The following SELE variants were observed in gnomAD, a reference collection of about 807,000 sequenced individuals.
SELE encodes selectin E.
In SELE, 52 loss-of-function variants were observed where a neutral mutation model predicts 75.8. That is an observed-to-expected ratio of 0.69 (90% CI 0.55 to 0.86). SELE has a LOEUF of 0.86. SELE is among the 40% of genes least tolerant of loss of function. SELE has a pLI of 0.00. For synonymous variants in SELE, 285 were observed against 258.7 expected (o/e 1.10, Z -0.98); for missense variants, 754 against 732.7 (o/e 1.03, Z -0.34).
At chr1:169,724,653 G>A (rs1648701728) in intron 13 of SELE, 144 bp from the exon 14 acceptor site, 1 of 152,208 alleles carries the variant, frequency 6.6e-6, no homozygotes, top group African/African-American at 2.4e-5. Context: ...GGACAGTGAT[G>A]ATGTCTACAT....
chr1:169,728,117 G>C lies in SELE; in HGVS notation c.1220C>G (p.Ser407Cys), dbSNP rs766089621. The C allele has an allele frequency of 2.5e-6, 4 of 1,614,018 alleles. No individual in the cohort carries two copies. Among genetic ancestry groups the C allele is most frequent in the Non-Finnish European group, 3.4e-6 (4 of 1,180,026 alleles). ...SCEQGFVLKG[S>C]KRLQCGPTGE... ...TGTGGGGCCACATTGGAGCCTTTTG[G>C]ATCCCTTCAACACAAAACCCTGCTC... The change falls in exon 8 of 14, where the codon TCC becomes TGC. Residue 407 changes from serine (S) to cysteine (C), a missense_variant. Ser to Cys is a moderately radical substitution (Grantham distance 112). Coordinates refer to ENST00000333360, the MANE Select transcript of SELE (RefSeq NM_000450.2).
Position 169,731,921 on chromosome 1 carries a change from C to T in SELE, c.443G>A (p.Cys148Tyr). Residue 148 changes from cysteine (C) to tyrosine (Y), a missense_variant, in exon 4 of 14, where the codon TGC (cysteine) becomes TAC (tyrosine). Transcript: ENST00000333360. ...CYTAACTNTS[C>Y]SGHGECVETI... ...CTCTACACATTCACCGTGGCCACTG[C>T]AGGATGTATTGGTACAGGCAGCTAC... The T allele has an allele frequency of 6.2e-7, 1 of 1,613,222 alleles. No homozygotes were observed. Among genetic ancestry groups the T allele is most frequent in the South Asian group, 1.1e-5 (1 of 91,066 alleles).
intron 5 of SELE, 66 bp downstream of exon 5, chr1:169,730,366 A>G: frequency 2.2e-6 from 3 of 1,338,538 alleles, no homozygotes; most frequent in Non-Finnish European, 3.0e-6. Flanking sequence ...ATGTAAGTTG[A>G]ATCAAAAAAC....
rs1237980949 is a variant in SELE at position 169,725,755 on chromosome 1, A to G, written c.1822T>C (p.Tyr608His). The change falls in exon 13 of 14, where the codon TAC (tyrosine) becomes CAC (histidine). Residue 608 changes from tyrosine (Y) to histidine (H), a missense_variant. By Grantham distance (83) the Tyr-to-His change is moderately conservative. Transcript: ENST00000333360. The part of the protein sequence containing the change: ...ESDGSYQKPS[Y>H]IL ...TGATTCTTTTGAACTTAAAGGATGTAAGAAGGCTTTTGGTAGCTTCCATCT... is the reference window on the plus strand; with the variant it reads ...TGATTCTTTTGAACTTAAAGGATGTGAGAAGGCTTTTGGTAGCTTCCATCT... 1 of 1,614,052 alleles carries G rather than the reference A, an allele frequency of 6.2e-7. No homozygotes were observed. The highest frequency in any genetic ancestry group is 8.5e-7 in the Non-Finnish European group (1 of 1,179,928).
chr1:169,728,986 C>T (rs1648841508), intron 7 of SELE, among the ~76,000 whole-genome samples, 200 bp downstream of exon 7: 1 of 151,986 alleles, frequency 6.6e-6, no homozygotes, highest in Non-Finnish European at 1.5e-5. Context: ...TAAAAAAAAA[C>T]AGCAAAGAAT....
chr1:169,733,453 G>C lies in SELE; in HGVS notation c.37+123C>G, dbSNP rs562837827. 4.3e-4 allele frequency: 398 copies of C among 935,786 alleles called. 3 individuals carry two copies. The highest frequency in any genetic ancestry group is 5.2e-4 in the Non-Finnish European group (300 of 578,576). The allele number at this position is 935,786 out of a possible 1,614,324, so 58.0% of individuals were successfully genotyped here. A position where few individuals can be genotyped will look rare whatever the true frequency, so the allele number is the denominator to read the frequency against. ...CAAGCCCAGGGAAGAACACATTGCA[G>C]GTAGAGGTCAAGGATGCTGCCAGAT... On this transcript the variant is annotated intron_variant, in intron 2 of 13. Coordinates refer to ENST00000333360, the MANE Select transcript of SELE (RefSeq NM_000450.2).
Position 169,726,798 on chromosome 1 carries a change from CA to C in SELE, c.1653del (p.Glu552SerfsTer7), listed in dbSNP as rs1275259477. 6.2e-7 allele frequency: 1 copy of C among 1,610,862 alleles called. No individual in the cohort carries two copies. The highest frequency in any genetic ancestry group is 1.3e-5 in the African/African-American group (1 of 74,846). On this transcript the variant is annotated frameshift_variant, in exon 11 of 14. Coordinates refer to ENST00000333360, the MANE Select transcript of SELE (RefSeq NM_000450.2). LOFTEE classifies it high-confidence loss of function. ...SGLLPTCEAPTESNIPLVAGL... is the reference protein window; with the variant it reads ...SGLLPTCEAPXESNIPLVAGL... ...CCAGCTACCAAGGGAATGTTGGACT[CA>C]GTGGGAGCTAAGGAAGTAAGAGACG...
chr1:169,731,131 G>A (rs528287444), intron 4 of SELE, among the ~76,000 whole-genome samples: 7 of 152,030 alleles, frequency 4.6e-5, no homozygotes, highest in African/African-American at 7.2e-5. Flanking sequence ...ACTTGAATTC[G>A]TTGAAATCAA....
rs757726316 is a variant in SELE at position 169,724,343 on chromosome 1, G to C, written c.*182C>G. ...GAACACTGAGTCTTTTCAGTTGAAGGCCGTCCTTGCCTGCTGGACTTTGAT... is the reference window on the plus strand; with the variant it reads ...GAACACTGAGTCTTTTCAGTTGAAGCCCGTCCTTGCCTGCTGGACTTTGAT... On this transcript the variant is annotated 3_prime_UTR_variant, in exon 14 of 14. Coordinates refer to ENST00000333360, the MANE Select transcript of SELE (RefSeq NM_000450.2). The C allele has an allele frequency of 6.6e-6, 1 of 152,146 alleles. No individual in the cohort carries two copies. The highest frequency in any genetic ancestry group is 2.4e-5 in the African/African-American group (1 of 41,420). 9.4% of individuals were successfully genotyped at this position (152,146 alleles called of 1,614,324 possible). A position where few individuals can be genotyped will look rare whatever the true frequency, so the allele number is the denominator to read the frequency against.
rs564573265 is a variant in SELE at position 169,730,331 on chromosome 1, A to G, written c.715+101T>C. On this transcript the variant is annotated intron_variant, in intron 5 of 13. Transcript: ENST00000333360. ...ATTGTATTAAAAACAAAAACAAAAA[A>G]AAAACTTTCCCTGAAGTTTTGAAAA... 5 of 1,158,170 alleles carry G rather than the reference A, an allele frequency of 4.3e-6. No homozygotes were observed. The African/African-American group carries it at 7.7e-5, about 18-fold the overall frequency. The allele number at this position is 1,158,170 out of a possible 1,614,324, so 71.7% of individuals were successfully genotyped here. A position where few individuals can be genotyped will look rare whatever the true frequency, so the allele number is the denominator to read the frequency against.
At chr1:169,730,672 A>C in intron 4 of SELE, 55 bp from the exon 5 acceptor site, 1 of 1,108,442 alleles carries the variant, frequency 9.0e-7, no homozygotes, top group Non-Finnish European at 1.2e-6. Flanking sequence ...ACAGATAAGA[A>C]CACTGGAAAC....
chr1:169,731,014 A>C (rs2179172), intron 4 of SELE, among the ~76,000 whole-genome samples: 5,618 of 152,280 alleles, frequency 0.037, 283 homozygotes, highest in East Asian at 0.22. Flanking sequence ...AACCATTCAC[A>C]AAGCTATATT....
intron 3 of SELE, 48 bp downstream of exon 3, chr1:169,732,567 A>T: frequency 1.3e-6 from 2 of 1,513,576 alleles, no homozygotes; most frequent in Non-Finnish European, 1.8e-6. Flanking sequence ...ATTTGCCAAG[A>T]TGCCCACACA....
Position 169,725,738 on chromosome 1 carries a change from T to C in SELE, c.*6A>G. On this transcript the variant is annotated 3_prime_UTR_variant, in exon 13 of 14. Transcript: ENST00000333360. Reference sequence around the variant, plus strand: ...GATTTACAAGTCTTACCTGATTCTTTTGAACTTAAAGGATGTAAGAAGGCT... The same window carrying C: ...GATTTACAAGTCTTACCTGATTCTTCTGAACTTAAAGGATGTAAGAAGGCT... 6.2e-7 allele frequency: 1 copy of C among 1,613,492 alleles called. No homozygotes were observed.
rs1042271052 is a variant in SELE at position 169,724,345 on chromosome 1, C to G, written c.*180G>C. The G allele has an allele frequency of 1.3e-5, 2 of 152,114 alleles. No homozygotes were observed. Among genetic ancestry groups the G allele is most frequent in the African/African-American group, 4.8e-5 (2 of 41,410 alleles). 9.4% of individuals were successfully genotyped at this position (152,114 alleles called of 1,614,324 possible). A position where few individuals can be genotyped will look rare whatever the true frequency, so the allele number is the denominator to read the frequency against. On this transcript the variant is annotated 3_prime_UTR_variant, in exon 14 of 14. Transcript: ENST00000333360. ...ACACTGAGTCTTTTCAGTTGAAGGC[C>G]GTCCTTGCCTGCTGGACTTTGATCT...
chr1:169,731,796 A>T, intron 4 of SELE, 39 bp downstream of exon 4: 1 of 1,382,268 alleles, frequency 7.2e-7, no homozygotes, highest in Non-Finnish European at 1.0e-6. Flanking sequence ...AGATGGTGCT[A>T]CCATCTCAAG....
rs1285294104 is a variant in SELE at position 169,728,057 on chromosome 1, C to T, written c.1279+1G>A. The T allele has an allele frequency of 6.2e-7, 1 of 1,607,142 alleles. No homozygotes were observed. Among genetic ancestry groups the T allele is most frequent in the African/African-American group, 1.3e-5 (1 of 74,258 alleles). On this transcript the variant is annotated splice_donor_variant, in intron 8 of 13. Transcript: ENST00000333360. LOFTEE classifies it high-confidence loss of function. ...AAATAAAATAAAAACAAAGACTGTA[C>T]CTTCACATGTGGGCTTCTCGTTGTC...
intron 11 of SELE, 40 bp downstream of exon 11, chr1:169,726,659 T>C: frequency 1.4e-6 from 2 of 1,392,498 alleles, no homozygotes; most frequent in Non-Finnish European, 1.0e-6. Flanking sequence ...GAAATGTATT[T>C]TCAAAAACAT....
Position 169,732,603 on chromosome 1 carries a change from C to A in SELE, c.421+12G>T. ...CTGAAACTACCTCCCACTGCTGCCG[C>A]AAACTCCCTACCTGTGTAGCATAGG... On this transcript the variant is annotated intron_variant, in intron 3 of 13. Coordinates refer to ENST00000333360, the MANE Select transcript of SELE (RefSeq NM_000450.2). 6.5e-7 allele frequency: 1 copy of A among 1,542,656 alleles called. No homozygotes were observed. Among genetic ancestry groups the A allele is most frequent in the Non-Finnish European group, 8.7e-7 (1 of 1,147,322 alleles).
Sources: gnomAD v4.1 joint callset for allele counts (sites outside exome capture counted in the v4.1 genomes callset) on GRCh38, gnomAD v4.1.1 for gene constraint, MANE v1.5 for transcripts, NCBI Gene and HGNC (gene_info 2026-07-23, HGNC 2026-07-21) for gene names.